The following SPTLC3 variants were observed in gnomAD, a reference collection of about 807,000 sequenced individuals.
SPTLC3 encodes serine palmitoyltransferase long chain base subunit 3, also known as serine palmitoyltransferase 3.
Under a neutral mutation model 59.3 loss-of-function variants are expected in SPTLC3, and 36 were observed. The observed-to-expected ratio is 0.61, with a 90% CI of 0.47 to 0.80. The LOEUF (loss-of-function observed/expected upper bound fraction) is 0.80. SPTLC3 is among the 30% of genes least tolerant of loss of function. The pLI is 0.00. For missense variants in SPTLC3, 625 were observed against 685.1 expected (o/e 0.91, Z 0.98); for synonymous variants, 257 against 240.8 (o/e 1.07, Z -0.62).
chr20:13,140,166 T>A (rs1244995051), intron 9 of SPTLC3, among the ~76,000 whole-genome samples: 1 of 152,176 alleles, frequency 6.6e-6, no homozygotes, highest in African/African-American at 2.4e-5. Flanking sequence ...AATAGTAGCA[T>A]ACAGACATTA....
rs114531426 is a variant in SPTLC3 at position 13,092,164 on chromosome 20, C to T, written c.732+957C>T. ...TAAATAAGTTGAATTATTTAGGACA[C>T]GAAGAGGGAACAGCATGTGTAAAAT... is the stretch of plus-strand genomic sequence containing the variant. On this transcript the variant is annotated intron_variant, in intron 5 of 11. Transcript: ENST00000399002. Among the ~76,000 whole-genome samples the T allele has an allele frequency of 5.3e-3, 803 of 152,056 alleles. 10 individuals are homozygous for T. Among genetic ancestry groups the T allele is most frequent in the African/African-American group, 0.019 (774 of 41,450 alleles).
intron 11 of SPTLC3, chr20:13,164,511 A>C (rs2038958721): frequency 3.6e-6 from 2 of 548,342 alleles, no homozygotes; most frequent in Non-Finnish European, 6.7e-6. Flanking sequence ...TCACACTCTC[A>C]AAATAAAATA....
chr20:13,055,052 A>G (rs1266791634), intron 2 of SPTLC3, among the ~76,000 whole-genome samples: 1 of 152,022 alleles, frequency 6.6e-6, no homozygotes, highest in Non-Finnish European at 1.5e-5. Context: ...TTAATTATAG[A>G]GAATATTTAG....
rs1488133456 is a variant in SPTLC3 at position 13,078,925 on chromosome 20, A to T, written c.607+4428A>T. ...TCAAAAATTTATTAGACATAAAAAG[A>T]TTCAATAAAGAACAATTTTTTAATT... On this transcript the variant is annotated intron_variant, in intron 4 of 11. Transcript: ENST00000399002. Among the ~76,000 whole-genome samples, 3 of 152,324 alleles carry T rather than the reference A, an allele frequency of 2.0e-5. No homozygotes were observed. The East Asian group carries it at 5.8e-4, about 29-fold the overall frequency.
intron 2 of SPTLC3, among the ~76,000 whole-genome samples, chr20:13,071,897 C>A (rs1411651347): frequency 1.3e-5 from 2 of 152,122 alleles, no homozygotes; most frequent in Non-Finnish European, 2.9e-5. Flanking sequence ...TATTCATGTT[C>A]AAAAAAGTTG....
chr20:13,152,868 T>G (rs1023255156), intron 9 of SPTLC3, among the ~76,000 whole-genome samples: 1 of 152,186 alleles, frequency 6.6e-6, no homozygotes, highest in East Asian at 1.9e-4. Flanking sequence ...CAGATGACTA[T>G]GATTGACATG....
chr20:13,017,577 C>A (rs1373846761), intron 1 of SPTLC3, among the ~76,000 whole-genome samples: 1 of 152,164 alleles, frequency 6.6e-6, no homozygotes, highest in Non-Finnish European at 1.5e-5. Flanking sequence ...GGATGCAGAC[C>A]AACATAGATT....
intron 2 of SPTLC3, among the ~76,000 whole-genome samples, chr20:13,063,534 T>A (rs1280669866): frequency 6.6e-6 from 1 of 152,024 alleles, no homozygotes; most frequent in Non-Finnish European, 1.5e-5. Context: ...TTTTGTGATT[T>A]GGGCTTTTAT....
intron 4 of SPTLC3, 115 bp from the exon 5 acceptor site, chr20:13,090,968 G>A: frequency 7.2e-7 from 1 of 1,394,064 alleles, no homozygotes; most frequent in Non-Finnish European, 9.7e-7. Context: ...AAATCTTCCT[G>A]CTACAAGCAC....
chr20:13,090,952 A>C (rs555191128), intron 4 of SPTLC3, 131 bp from the exon 5 acceptor site: 2 of 1,245,920 alleles, frequency 1.6e-6, no homozygotes, highest in Non-Finnish European at 2.2e-6. Context: ...AGATTAGGGC[A>C]ATGGCAAATC....
At position 13,091,966 on chromosome 20, in the gene SPTLC3, T is replaced by G. The variant is rs1989237153; in HGVS notation, c.732+759T>G. On this transcript the variant is annotated intron_variant, in intron 5 of 11. Coordinates refer to ENST00000399002, the MANE Select transcript of SPTLC3 (RefSeq NM_018327.4). Reference sequence around the variant, plus strand: ...TGAACAAGACCTATGTATTTTAAATTTATGTAGTTTAGAGTCTAATGGGGG... The same window carrying G: ...TGAACAAGACCTATGTATTTTAAATGTATGTAGTTTAGAGTCTAATGGGGG... Among the ~76,000 whole-genome samples, 3 of 152,192 alleles carry G rather than the reference T, an allele frequency of 2.0e-5. No individual in the cohort carries two copies. The South Asian group carries it at 6.2e-4, about 31-fold the overall frequency.
chr20:13,068,888 T>G (rs935438141), intron 2 of SPTLC3, among the ~76,000 whole-genome samples: 4 of 152,186 alleles, frequency 2.6e-5, no homozygotes, highest in African/African-American at 9.7e-5. Flanking sequence ...CAGAATATAT[T>G]AGAATCCCTG....
rs1159655943 is a variant in SPTLC3, at chr20:13,040,700, G to A, written c.118-8245G>A. Among the ~76,000 whole-genome samples the A allele has an allele frequency of 8.0e-5, 12 of 150,942 alleles. 1 individual carries two copies. Among genetic ancestry groups the A allele is most frequent in the Admixed American group, 7.9e-4 (12 of 15,184 alleles). ...GTGCCCCCTTTTTTTTTTTTGGTTG[G>A]ATTTGAATCATTGTCTGAAGTCACT... On this transcript the variant is annotated intron_variant, in intron 1 of 11. Transcript: ENST00000399002.
At chr20:13,155,941 T>C (rs2038758759) in intron 10 of SPTLC3, among the ~76,000 whole-genome samples, 1 of 152,204 alleles carries the variant, frequency 6.6e-6, no homozygotes, top group Non-Finnish European at 1.5e-5. Context: ...GGACATAATG[T>C]GCTACAGACA....
At chr20:13,053,148 G>A (rs889569881) in intron 2 of SPTLC3, among the ~76,000 whole-genome samples, 9 of 152,106 alleles carry the variant, frequency 5.9e-5, no homozygotes, top group African/African-American at 1.9e-4. Flanking sequence ...GGAGAGCTCC[G>A]GCTGGCATCT....
intron 7 of SPTLC3, among the ~76,000 whole-genome samples, chr20:13,115,333 A>C (rs758558104): frequency 3.9e-5 from 6 of 152,276 alleles, no homozygotes; most frequent in South Asian, 4.1e-4. Context: ...ATTAACTCCA[A>C]AAGTCAGCAG....
At chr20:13,037,865 A>T (rs1986803384) in intron 1 of SPTLC3, among the ~76,000 whole-genome samples, 1 of 151,926 alleles carries the variant, frequency 6.6e-6, no homozygotes, top group African/African-American at 2.4e-5. Flanking sequence ...TTCCTTCTGG[A>T]TCTGGTGGTT....
chr20:13,150,244 T>C (rs2038612218), intron 9 of SPTLC3, among the ~76,000 whole-genome samples: 2 of 152,216 alleles, frequency 1.3e-5, no homozygotes, highest in Admixed American at 1.3e-4. Context: ...ATATTCTCCT[T>C]CTTAATTTCT....
chr20:13,127,841 C>A (rs151158576), intron 9 of SPTLC3, among the ~76,000 whole-genome samples: 2 of 152,258 alleles, frequency 1.3e-5, no homozygotes, highest in East Asian at 3.9e-4. Flanking sequence ...TCCAGGCTTG[C>A]CTTTTCGGTG....
Sources: gnomAD v4.1 joint callset for allele counts (sites outside exome capture counted in the v4.1 genomes callset) on GRCh38, gnomAD v4.1.1 for gene constraint, MANE v1.5 for transcripts, NCBI Gene and HGNC (gene_info 2026-07-23, HGNC 2026-07-21) for gene names.